GABRG1: variants seen among roughly 807,000 people sequenced by gnomAD.
GABRG1 encodes gamma-aminobutyric acid type A receptor subunit gamma1.
In GABRG1, 49 loss-of-function variants were observed where a neutral mutation model predicts 49.8. The ratio of observed to expected loss-of-function variants is 0.98; its 90% CI spans 0.78 to 1.25. The LOEUF (loss-of-function observed/expected upper bound fraction) is 1.25, where lower values mean the gene tolerates loss of function less well. Among genes scored for constraint, GABRG1 ranks in the 50% most tolerant of loss-of-function variants. The probability of loss-of-function intolerance (pLI) is 0.00; values close to 1 mark genes in which losing one functional copy is unlikely to be tolerated. For missense variants in GABRG1, 552 were observed against 552.3 expected, an observed-to-expected ratio of 1.00 and a Z score of 0.01; for synonymous variants, 232 against 185.1, an observed-to-expected ratio of 1.25 and a Z score of -2.06.
intron 2 of GABRG1, 29 bp downstream of exon 2, chr4:46,097,172 A>C: frequency 6.3e-7 from 1 of 1,580,582 alleles, no homozygotes; most frequent in Non-Finnish European, 8.6e-7. Flanking sequence ...AATGGTCATC[A>C]AAATCCCAGA....
intron 1 of GABRG1, among the ~76,000 whole-genome samples, chr4:46,103,281 T>C (rs1308097725): frequency 8.9e-6 from 1 of 112,372 alleles, no homozygotes; most frequent in East Asian, 2.3e-4. Context: ...GTGAAATTGA[T>C]TGATGAGGCC....
chr4:46,115,766 C>A (rs1483787237), intron 1 of GABRG1, among the ~76,000 whole-genome samples: 2 of 150,668 alleles, frequency 1.3e-5, no homozygotes, highest in Admixed American at 1.3e-4. Flanking sequence ...GCTTTTAGCA[C>A]TGTATATCTC....
At chr4:46,123,771 G>T in intron 1 of GABRG1, 39 bp downstream of exon 1, 1 of 1,428,040 alleles carries the variant, frequency 7.0e-7, no homozygotes, top group Non-Finnish European at 9.9e-7. Flanking sequence ...GAAAGGGGTA[G>T]ATAGCAAAGA....
At chr4:46,070,201 G>A (rs563204836) in intron 3 of GABRG1, among the ~76,000 whole-genome samples, 1 of 151,782 alleles carries the variant, frequency 6.6e-6, no homozygotes, top group African/African-American at 2.4e-5. Flanking sequence ...TCTGAACACT[G>A]CACTGAGAAT....
chr4:46,121,649 C>T (rs1721092745), intron 1 of GABRG1, among the ~76,000 whole-genome samples: 2 of 130,584 alleles, frequency 1.5e-5, no homozygotes, highest in East Asian at 1.9e-4. Context: ...AGAAAGCATG[C>T]TTACATTTGC....
intron 2 of GABRG1, among the ~76,000 whole-genome samples, chr4:46,095,140 T>C (rs1441852503): frequency 1.3e-5 from 2 of 151,686 alleles, no homozygotes; most frequent in African/African-American, 4.8e-5. Context: ...AAAATTATGA[T>C]GGTCACCAAT....
chr4:46,053,202 A>T (rs968926360), intron 7 of GABRG1, among the ~76,000 whole-genome samples: 1 of 151,576 alleles, frequency 6.6e-6, no homozygotes. Flanking sequence ...TTTATTTTTA[A>T]TTTACTTCCT....
intron 1 of GABRG1, among the ~76,000 whole-genome samples, chr4:46,116,835 A>G (rs1280225731): frequency 1.3e-5 from 2 of 150,884 alleles, no homozygotes; most frequent in Admixed American, 1.3e-4. Context: ...TATAAAATAC[A>G]GGCATCTGAA....
chr4:46,099,299 T>A (rs534614016), intron 1 of GABRG1, among the ~76,000 whole-genome samples: 1 of 151,762 alleles, frequency 6.6e-6, no homozygotes, highest in South Asian at 2.1e-4. Context: ...GGGTTTAGTG[T>A]CAGTGAAGTT....
In GABRG1 at chr4:46,051,449, T is replaced by A. The variant is rs1196120765; in HGVS notation, c.1106A>T (p.Asp369Val). 4 of 1,608,908 alleles carry A rather than the reference T, an allele frequency of 2.5e-6. No homozygotes were observed. In the East Asian group the frequency reaches 8.9e-5, roughly 36 times the overall value. The part of the protein sequence containing the change: ...SNQKGKTATK[D>V]RKLKNKASMT... ...CGAGGCTTTATTTTTTAGCTTTCTGTCTTTAGTAGCAGTCTTTCCTTTTTG... is the reference window on the plus strand; with the variant it reads ...CGAGGCTTTATTTTTTAGCTTTCTGACTTTAGTAGCAGTCTTTCCTTTTTG... Residue 369 changes from aspartate (D) to valine (V), a missense_variant, in exon 8 of 9, where the codon GAC becomes GTC. Transcript: ENST00000295452.
At position 46,039,914 on chromosome 4, in the gene GABRG1, A is replaced by G. The variant is rs922362210; in HGVS notation, c.*1074T>C. The G allele has an allele frequency of 1.3e-5, 2 of 151,694 alleles. No homozygotes were observed. Among genetic ancestry groups the G allele is most frequent in the African/African-American group, 4.8e-5 (2 of 41,398 alleles). 9.4% of individuals were successfully genotyped at this position (151,694 alleles called of 1,614,324 possible). A position where few individuals can be genotyped will look rare whatever the true frequency, so the allele number is the denominator to read the frequency against. On this transcript the variant is annotated 3_prime_UTR_variant, in exon 9 of 9. Transcript: ENST00000295452. ...AGTTGCAAAACTGACAGGGTCCAAA[A>G]CTTTGGAGCTGGAAGAGGCAATATG...
At chr4:46,047,774 T>G (rs1378938607) in intron 8 of GABRG1, among the ~76,000 whole-genome samples, 5 of 152,064 alleles carry the variant, frequency 3.3e-5, no homozygotes, top group East Asian at 1.9e-4. Context: ...CCTCACAGAC[T>G]CCTTGTTTAA....
intron 2 of GABRG1, among the ~76,000 whole-genome samples, chr4:46,088,937 T>C (rs1328419740): frequency 6.6e-6 from 1 of 151,836 alleles, no homozygotes; most frequent in Non-Finnish European, 1.5e-5. Flanking sequence ...CAACCTGCTC[T>C]TGCTCCCATA....
At chr4:46,081,984 C>T (rs1245143495) in intron 3 of GABRG1, among the ~76,000 whole-genome samples, 2 of 151,784 alleles carry the variant, frequency 1.3e-5, no homozygotes, top group African/African-American at 2.4e-5. Flanking sequence ...GTTGCTTAAA[C>T]CACCAGTCTG....
At chr4:46,079,774 T>C (rs1719498527) in intron 3 of GABRG1, among the ~76,000 whole-genome samples, 1 of 151,854 alleles carries the variant, frequency 6.6e-6, no homozygotes, top group African/African-American at 2.4e-5. Context: ...GCTATGGCCC[T>C]TGAGTGTTGT....
chr4:46,097,196 C>G lies in GABRG1; in HGVS notation c.253+5G>C, dbSNP rs202100771. 4 of 1,597,820 alleles carry G rather than the reference C, an allele frequency of 2.5e-6. No homozygotes were observed. The highest frequency in any genetic ancestry group is 3.4e-6 in the Non-Finnish European group (4 of 1,172,746). On this transcript the variant is annotated splice_donor_5th_base_variant and intron_variant, in intron 2 of 8. Transcript: ENST00000295452. The stretch of plus-strand genomic sequence containing the variant: ...CAAAATCCCAGAATGGTAACTCAAG[C>G]TTACCTCCTATATCTGGACGAAGTT...
intron 1 of GABRG1, among the ~76,000 whole-genome samples, chr4:46,100,120 ACTTAT>A (rs1409830290): frequency 1.3e-5 from 2 of 151,772 alleles, no homozygotes; most frequent in South Asian, 2.1e-4. Flanking sequence ...ATTTTGCTCT[ACTTAT>A]CTTGTGTACA....
chr4:46,039,242 C>G lies in GABRG1; in HGVS notation c.*1746G>C, dbSNP rs151048609. The G allele has an allele frequency of 2.0e-5, 3 of 150,808 alleles. No individual in the cohort carries two copies. Among genetic ancestry groups the G allele is most frequent in the Non-Finnish European group, 4.4e-5 (3 of 67,566 alleles). The allele number at this position is 150,808 out of a possible 1,614,324, so 9.3% of individuals were successfully genotyped here. A position where few individuals can be genotyped will look rare whatever the true frequency, so the allele number is the denominator to read the frequency against. ...ATGGCCAAAGTTTAGTTTGGCTGTT[C>G]ATTCAAGAAAAGCAGTGTCGGTGGA... On this transcript the variant is annotated 3_prime_UTR_variant, in exon 9 of 9. Transcript: ENST00000295452.
At chr4:46,044,762 C>A (rs1717923647) in intron 8 of GABRG1, among the ~76,000 whole-genome samples, 1 of 151,946 alleles carries the variant, frequency 6.6e-6, no homozygotes, top group African/African-American at 2.4e-5. Context: ...AGCTGCACTC[C>A]TTTGAACTAT....
Sources: allele counts gnomAD v4.1 joint callset (sites outside exome capture counted in the v4.1 genomes callset), GRCh38; gene constraint gnomAD v4.1.1; transcripts MANE v1.5; gene names NCBI Gene and HGNC (gene_info 2026-07-23, HGNC 2026-07-21).